The following GRID1 variants were observed in gnomAD, a reference collection of about 807,000 sequenced individuals.
The protein encoded by GRID1 is glutamate ionotropic receptor delta type subunit 1, also known as glutamate receptor ionotropic, delta-1.
A neutral mutation model predicts 98.0 loss-of-function variants in GRID1; 28 were observed. That is an observed-to-expected ratio of 0.29 (90% CI 0.21 to 0.39). The LOEUF is 0.39. Among genes scored for constraint, GRID1 ranks in the 10% least tolerant of loss-of-function variants. The pLI, the probability that GRID1 is intolerant of heterozygous loss-of-function variation, is 1.00. For synonymous variants in GRID1, 553 were observed against 538.5 expected (o/e 1.03, Z -0.37); for missense variants, 1,111 against 1,340.5 (o/e 0.83, Z 2.67).
chr10:85,654,745 G>A (rs1840874546), intron 12 of GRID1, among the ~76,000 whole-genome samples: 1 of 152,224 alleles, frequency 6.6e-6, no homozygotes, highest in African/African-American at 2.4e-5. Context: ...CAGGCACTCA[G>A]GGCCCATCAG....
At chr10:85,719,628 C>A (rs1054630851) in intron 12 of GRID1, among the ~76,000 whole-genome samples, 2 of 151,926 alleles carry the variant, frequency 1.3e-5, no homozygotes, top group Admixed American at 6.6e-5. Flanking sequence ...AAAGACAGGC[C>A]CCTATGATTC....
chr10:86,090,170 C>A (rs920968147), intron 4 of GRID1, among the ~76,000 whole-genome samples: 2 of 151,832 alleles, frequency 1.3e-5, no homozygotes, highest in African/African-American at 4.8e-5. Flanking sequence ...ATAAACCCAG[C>A]ACTTTGGGAG....
chr10:85,999,378 C>A (rs1842779201), intron 4 of GRID1, among the ~76,000 whole-genome samples: 1 of 151,808 alleles, frequency 6.6e-6, no homozygotes, highest in Non-Finnish European at 1.5e-5. Flanking sequence ...TGAAAAATTC[C>A]ACCAAATGTT....
intron 12 of GRID1, among the ~76,000 whole-genome samples, chr10:85,690,207 TTTAA>T (rs1340047800): frequency 1.3e-5 from 2 of 152,200 alleles, no homozygotes; most frequent in Non-Finnish European, 2.9e-5. Context: ...TTTGCTTAGA[TTTAA>T]TTGTCTTTAA....
rs200701553 is a variant in GRID1 at position 85,895,493 on chromosome 10, C to A, written c.780+20693G>T. Among the ~76,000 whole-genome samples the A allele has an allele frequency of 1.7e-4, 26 of 152,272 alleles. No homozygotes were observed. The East Asian group carries it at 4.8e-3, about 28-fold the overall frequency. ...CATGCTCATATGTTATCACCTTGGA[C>A]TCTAAGCCACTGCCCCATTATTAAC... On this transcript the variant is annotated intron_variant, in intron 5 of 15. Coordinates refer to ENST00000327946, the MANE Select transcript of GRID1 (RefSeq NM_017551.3).
chr10:85,938,487 A>G (rs113200796), intron 4 of GRID1, among the ~76,000 whole-genome samples: 4,653 of 152,274 alleles, frequency 0.031, 98 homozygotes, highest in Middle Eastern at 0.054. Flanking sequence ...AGAGTTTTAC[A>G]TGGCTTGTCT....
At position 85,774,513 on chromosome 10, in the gene GRID1, G is replaced by C. The variant is rs983515732; in HGVS notation, c.1234-44899C>G. ...ACTAAAGAGCTTCTGCACAGCAAAA[G>C]AAACTACCATCAGAGTGAACAGGCA... is the stretch of plus-strand genomic sequence containing the variant. On this transcript the variant is annotated intron_variant, in intron 8 of 15. Transcript: ENST00000327946. Among the ~76,000 whole-genome samples the C allele has an allele frequency of 3.3e-4, 50 of 151,140 alleles. 1 individual carries two copies. Among genetic ancestry groups the C allele is most frequent in the East Asian group, 3.3e-3 (17 of 5,164 alleles).
chr10:85,621,876 T>C (rs2097404937), intron 13 of GRID1, among the ~76,000 whole-genome samples: 2 of 152,214 alleles, frequency 1.3e-5, no homozygotes, highest in Admixed American at 6.5e-5. Flanking sequence ...TGTTGACTTA[T>C]GACCTAATAT....
chr10:85,649,366 A>G (rs1248798325), intron 12 of GRID1, among the ~76,000 whole-genome samples: 3 of 152,226 alleles, frequency 2.0e-5, no homozygotes, highest in Admixed American at 6.5e-5. Context: ...AAATTCGATG[A>G]AGAAATCTTT....
chr10:86,275,240 C>T (rs574939498), intron 2 of GRID1, among the ~76,000 whole-genome samples: 2 of 152,010 alleles, frequency 1.3e-5, no homozygotes, highest in South Asian at 2.1e-4. Context: ...GAGAAAGTTA[C>T]TAAACAAAGA....
rs1250510384 is a variant in GRID1, at chr10:86,073,588, C to T, written c.726+65231G>A. On this transcript the variant is annotated intron_variant, in intron 4 of 15. Coordinates refer to ENST00000327946, the MANE Select transcript of GRID1 (RefSeq NM_017551.3). The stretch of plus-strand genomic sequence containing the variant: ...TCCAGGGGGTGAAGGAGGCTGGGCC[C>T]GGCCCTGCTGGCAGGAAGCTGGCAT... 8.5e-5 allele frequency among the ~76,000 whole-genome samples: 13 copies of T among 152,194 alleles called. 1 individual carries two copies. The highest frequency in any genetic ancestry group is 6.5e-4 in the Admixed American group (10 of 15,274).
intron 2 of GRID1, among the ~76,000 whole-genome samples, chr10:86,305,108 GAA>G (rs549747831): frequency 5.9e-5 from 8 of 136,472 alleles, no homozygotes; most frequent in Non-Finnish European, 8.0e-5. Flanking sequence ...AGGGCTTAAG[GAA>G]AAAAAAAAAA....
intron 3 of GRID1, among the ~76,000 whole-genome samples, chr10:86,154,856 A>T (rs1845222363): frequency 6.6e-6 from 1 of 151,926 alleles, no homozygotes; most frequent in African/African-American, 2.4e-5. Context: ...ACCAGGGGAC[A>T]CCCCAGCAGT....
At chr10:86,308,624 T>C (rs958613827) in intron 2 of GRID1, among the ~76,000 whole-genome samples, 2 of 152,226 alleles carry the variant, frequency 1.3e-5, no homozygotes, top group African/African-American at 4.8e-5. Flanking sequence ...GAGGATCTCT[T>C]AATCCATCTC....
intron 4 of GRID1, among the ~76,000 whole-genome samples, chr10:85,949,755 G>A (rs1022463462): frequency 6.6e-6 from 1 of 152,140 alleles, no homozygotes; most frequent in African/African-American, 2.4e-5. Flanking sequence ...ATATTGCCGG[G>A]ATTAAATGCA....
chr10:85,671,915 C>A (rs1841090223), intron 12 of GRID1, among the ~76,000 whole-genome samples: 1 of 152,202 alleles, frequency 6.6e-6, no homozygotes, highest in African/African-American at 2.4e-5. Flanking sequence ...TAATCCAGAT[C>A]AATGCCCCAA....
chr10:85,751,957 T>C (rs1842050521), intron 8 of GRID1, among the ~76,000 whole-genome samples: 1 of 152,204 alleles, frequency 6.6e-6, no homozygotes, highest in South Asian at 2.1e-4. Flanking sequence ...TAGCTGAAAG[T>C]AACCATCCCC....
At chr10:86,363,580 G>C (rs1228540531) in intron 2 of GRID1, among the ~76,000 whole-genome samples, 1 of 152,134 alleles carries the variant, frequency 6.6e-6, no homozygotes, top group Admixed American at 6.5e-5. Context: ...ACAGGTACCC[G>C]GCACGCAGAC....
At chr10:85,869,253 T>C in intron 5 of GRID1, 73 bp from the exon 6 acceptor site, 1 of 1,352,978 alleles carries the variant, frequency 7.4e-7, no homozygotes, top group Non-Finnish European at 1.1e-6. Context: ...TCAGGAGGCA[T>C]CTAGGCCAGC....
Sources: gnomAD v4.1 joint callset for allele counts (sites outside exome capture counted in the v4.1 genomes callset) on GRCh38, gnomAD v4.1.1 for gene constraint, MANE v1.5 for transcripts, NCBI Gene and HGNC (gene_info 2026-07-23, HGNC 2026-07-21) for gene names.